Variants in CALN1 observed in about 807,000 individuals in gnomAD.
The protein encoded by CALN1 is calcium-binding protein 8.
Under a neutral mutation model 30.6 loss-of-function variants are expected in CALN1, and 17 were observed. That is an observed-to-expected ratio of 0.56 (90% confidence interval 0.38 to 0.83). CALN1 has a LOEUF of 0.83. Ranked by LOEUF, CALN1 falls within the 40% of genes least tolerant of loss-of-function variation. CALN1 has a pLI of 0.00. For missense variants in CALN1, 291 were observed against 354.9 expected (o/e 0.82, Z 1.45); for synonymous variants, 156 against 131.4 (o/e 1.19, Z -1.28).
At chr7:71,862,470 C>A (rs1791347452) in intron 5 of CALN1, among the ~76,000 whole-genome samples, 1 of 152,158 alleles carries the variant, frequency 6.6e-6, no homozygotes, top group Non-Finnish European at 1.5e-5. Context: ...CACCCTCTTG[C>A]CTGTTGCCAT....
intron 1 of CALN1, among the ~76,000 whole-genome samples, chr7:72,403,878 G>A (rs1482626068): frequency 6.6e-6 from 1 of 152,158 alleles, no homozygotes; most frequent in Non-Finnish European, 1.5e-5. Flanking sequence ...GGAAATCACC[G>A]TCTAACGGTG....
chr7:72,191,361 G>A (rs375367697), intron 3 of CALN1, among the ~76,000 whole-genome samples: 18 of 152,016 alleles, frequency 1.2e-4, no homozygotes, highest in African/African-American at 1.7e-4. Flanking sequence ...CCACACTTTG[G>A]GAGGGCGACG....
intron 5 of CALN1, among the ~76,000 whole-genome samples, chr7:71,940,706 C>T (rs575074805): frequency 9.9e-5 from 15 of 152,192 alleles, no homozygotes; most frequent in East Asian, 3.9e-4. Flanking sequence ...AGGGCTCAAG[C>T]GATCCTGCGA....
intron 1 of CALN1, among the ~76,000 whole-genome samples, chr7:72,427,963 C>T (rs775075578): frequency 2.6e-5 from 4 of 152,118 alleles, no homozygotes; most frequent in South Asian, 2.1e-4. Context: ...CTCCTTCTTG[C>T]CTGAACATTT....
chr7:72,030,890 G>GAGC (rs902870021), intron 4 of CALN1, among the ~76,000 whole-genome samples: 1 of 152,038 alleles, frequency 6.6e-6, no homozygotes, highest in African/African-American at 2.4e-5. Flanking sequence ...GGAACTACAG[G>GAGC]AGCATGCCAT....
At chr7:72,089,355 C>T (rs1805699485) in intron 4 of CALN1, among the ~76,000 whole-genome samples, 1 of 151,986 alleles carries the variant, frequency 6.6e-6, no homozygotes, top group Non-Finnish European at 1.5e-5. Flanking sequence ...AAGAAAAACA[C>T]AACCGTAGTC....
At chr7:71,801,302 T>A (rs937593205) in intron 6 of CALN1, among the ~76,000 whole-genome samples, 1 of 152,028 alleles carries the variant, frequency 6.6e-6, no homozygotes, top group Non-Finnish European at 1.5e-5. Context: ...AGCCTCAACC[T>A]CCCAGGCTCA....
intron 5 of CALN1, among the ~76,000 whole-genome samples, chr7:71,825,732 C>T (rs893121502): frequency 3.3e-5 from 5 of 151,860 alleles, no homozygotes; most frequent in African/African-American, 4.8e-5. Context: ...GAAAATGCAA[C>T]GTTCAAAGCA....
chr7:72,406,267 C>G (rs1036275524), intron 1 of CALN1, among the ~76,000 whole-genome samples: 3 of 152,152 alleles, frequency 2.0e-5, no homozygotes, highest in Admixed American at 6.6e-5. Context: ...TAATGAAGCA[C>G]CCCATGTTGG....
chr7:71,857,414 G>A (rs1450860739), intron 5 of CALN1, among the ~76,000 whole-genome samples: 1 of 152,134 alleles, frequency 6.6e-6, no homozygotes, highest in Non-Finnish European at 1.5e-5. Flanking sequence ...GTGAGTCAAA[G>A]GAGTTTAAAT....
At chr7:72,046,272 T>C (rs1426155224) in intron 4 of CALN1, among the ~76,000 whole-genome samples, 2 of 152,088 alleles carry the variant, frequency 1.3e-5, no homozygotes, top group Non-Finnish European at 2.9e-5. Context: ...TCTCTTTTTC[T>C]TGCCCAGGCC....
At chr7:72,291,965 G>A (rs576312816) in intron 2 of CALN1, among the ~76,000 whole-genome samples, 50 of 150,252 alleles carry the variant, frequency 3.3e-4, no homozygotes, top group African/African-American at 1.2e-3. Flanking sequence ...AGGGGCCACC[G>A]CACTTCAGCC....
intron 4 of CALN1, among the ~76,000 whole-genome samples, chr7:72,030,299 C>G (rs1801354406): frequency 6.6e-6 from 1 of 152,168 alleles, no homozygotes; most frequent in African/African-American, 2.4e-5. Context: ...TCCCCCATAT[C>G]TCCAGCTGTC....
chr7:72,376,825 G>C (rs1804589067), intron 2 of CALN1, among the ~76,000 whole-genome samples: 1 of 152,124 alleles, frequency 6.6e-6, no homozygotes, highest in South Asian at 2.1e-4. Flanking sequence ...TCTAACAATT[G>C]TAACTTTAGC....
At chr7:72,311,141 C>T (rs556224068) in intron 2 of CALN1, among the ~76,000 whole-genome samples, 4 of 152,098 alleles carry the variant, frequency 2.6e-5, no homozygotes, top group African/African-American at 7.2e-5. Flanking sequence ...GTCTACTCAA[C>T]GCAAAGATGA....
chr7:72,044,033 C>T (rs569039213), intron 4 of CALN1, among the ~76,000 whole-genome samples: 1 of 152,172 alleles, frequency 6.6e-6, no homozygotes, highest in Non-Finnish European at 1.5e-5. Context: ...AAAGTCCCCC[C>T]ACCCCCACCA....
intron 1 of CALN1, among the ~76,000 whole-genome samples, chr7:72,425,093 G>A (rs1240727320): frequency 2.0e-5 from 3 of 152,088 alleles, no homozygotes; most frequent in Admixed American, 6.6e-5. Flanking sequence ...TCAGAGAGGG[G>A]TAGGGTTTGT....
Position 71,867,791 on chromosome 7 carries a change from C to T in CALN1, c.502-57299G>A, listed in dbSNP as rs538346574. 2.0e-5 allele frequency among the ~76,000 whole-genome samples: 3 copies of T among 152,258 alleles called. No individual in the cohort carries two copies. The East Asian group carries it at 5.8e-4, about 29-fold the overall frequency. On this transcript the variant is annotated intron_variant, in intron 5 of 6. Coordinates refer to ENST00000395275, the MANE Select transcript of CALN1 (RefSeq NM_031468.4). ...TTTGTTTGGTTTTCTTTTTAACCAT[C>T]AAAGACCCACAGTATTTGTTGACAG... is the stretch of plus-strand genomic sequence containing the variant.
rs1562950124 is a variant in CALN1 at position 72,401,741 on chromosome 7, T to A, written c.119+1510A>T. Among the ~76,000 whole-genome samples the A allele has an allele frequency of 1.3e-5, 2 of 152,136 alleles. 1 individual carries two copies. Reference sequence around the variant, plus strand: ...TGAGGAAACATTTTTAATGTAACAGTGTGTTGAGCAAAAAGATTTGTCTGT... The same window carrying A: ...TGAGGAAACATTTTTAATGTAACAGAGTGTTGAGCAAAAAGATTTGTCTGT... On this transcript the variant is annotated intron_variant, in intron 2 of 6. Coordinates refer to ENST00000395275, the MANE Select transcript of CALN1 (RefSeq NM_031468.4).
Sources: gnomAD v4.1 joint callset for allele counts (sites outside exome capture counted in the v4.1 genomes callset) on GRCh38, gnomAD v4.1.1 for gene constraint, MANE v1.5 for transcripts, NCBI Gene and HGNC (gene_info 2026-07-23, HGNC 2026-07-21) for gene names.